Variants in TMCO5A observed in about 807,000 individuals in gnomAD.
TMCO5A encodes transmembrane and coiled-coil domains 5A.
TMCO5A carries 34 observed loss-of-function variants against 42.3 expected under a neutral mutation model. The observed-to-expected ratio is 0.80, with a 90% CI of 0.61 to 1.07. TMCO5A has a LOEUF of 1.07. Ranked by LOEUF, TMCO5A falls within the 50% of genes least tolerant of loss-of-function variation. The pLI is 0.00. For synonymous variants in TMCO5A, 131 were observed against 115.6 expected (o/e 1.13, Z -0.86); for missense variants, 357 against 327.9 (o/e 1.09, Z -0.69).
chr15:37,936,733 A>T, intron 3 of TMCO5A, 114 bp from the exon 4 acceptor site: 1 of 1,434,858 alleles, frequency 7.0e-7, no homozygotes, highest in Non-Finnish European at 9.3e-7. Flanking sequence ...AAGAGTTTTC[A>T]GCTTGAGATT....
chr15:37,953,298 C>T (rs181214507), downstream of TMCO5A, among the ~76,000 whole-genome samples: 70 of 152,258 alleles, frequency 4.6e-4, no homozygotes, highest in Middle Eastern at 6.8e-3. Flanking sequence ...AACGGTTCAG[C>T]ACAGTCCTAG....
chr15:37,943,162 T>C (rs1031352605), intron 9 of TMCO5A, 179 bp from the exon 10 acceptor site: 1 of 514,526 alleles, frequency 1.9e-6, no homozygotes, highest in African/African-American at 2.0e-5. Context: ...ACATAAAAGA[T>C]GTACTCAACT....
Position 37,941,620 on chromosome 15 carries a change from T to C in TMCO5A, c.445-51T>C, listed in dbSNP as rs1279718160. The C allele has an allele frequency of 2.2e-6, 3 of 1,346,090 alleles. No individual in the cohort carries two copies. The Admixed American group carries it at 5.0e-5, about 23-fold the overall frequency. 83.4% of individuals were successfully genotyped at this position (1,346,090 alleles called of 1,614,324 possible). A position where few individuals can be genotyped will look rare whatever the true frequency, so the allele number is the denominator to read the frequency against. ...CAAGAGAAAACAAGTATGCTTGTGT[T>C]CTTATAGCAATTTACCGAAATATAT... On this transcript the variant is annotated intron_variant, in intron 7 of 11. Transcript: ENST00000319669.
intron 11 of TMCO5A, among the ~76,000 whole-genome samples, chr15:37,949,872 T>C (rs1890098717): frequency 6.6e-6 from 1 of 152,156 alleles, no homozygotes; most frequent in African/African-American, 2.4e-5. Context: ...TGTCAGGAAG[T>C]TGCAGTTAGG....
downstream of TMCO5A, among the ~76,000 whole-genome samples, chr15:37,952,565 G>A (rs573551382): frequency 6.6e-6 from 1 of 152,128 alleles, no homozygotes; most frequent in Admixed American, 6.5e-5. Context: ...AACCAGCAGC[G>A]ATACTTAAGT....
chr15:38,004,976 A>C, the TMCO5A span: 3 of 152,182 alleles, frequency 2.0e-5, no homozygotes. Flanking sequence ...AAGAGTAAAA[A>C]GATTTGTCAC....
chr15:37,993,522 G>A, the TMCO5A span: 1 of 152,098 alleles, frequency 6.6e-6, no homozygotes, highest in African/African-American at 2.4e-5. Flanking sequence ...CTCTGTATAT[G>A]TGGTTACTTT....
chr15:37,994,406 C>G, the TMCO5A span, among the ~76,000 whole-genome samples: 2 of 152,212 alleles, frequency 1.3e-5, no homozygotes, highest in African/African-American at 2.4e-5. Context: ...GAGCTGGAGT[C>G]TCACTGTTCT....
intron 9 of TMCO5A, chr15:37,942,574 T>C (rs1318302309): frequency 1.3e-5 from 3 of 235,716 alleles, no homozygotes; most frequent in Non-Finnish European, 2.5e-5. Flanking sequence ...GTCACCTTGA[T>C]AAGTAGGGTA....
chr15:37,940,491 T>A, intron 6 of TMCO5A, among the ~76,000 whole-genome samples: 1 of 152,146 alleles, frequency 6.6e-6, no homozygotes, highest in East Asian at 1.9e-4. Context: ...GGGAGGCCTT[T>A]GCCAACCACC....
rs1889836253 is a variant in TMCO5A at position 37,943,666 on chromosome 15, A to G, written c.627+268A>G. 7.2e-6 allele frequency: 3 copies of G among 417,226 alleles called. No individual in the cohort carries two copies. In the South Asian group the frequency reaches 8.9e-5, roughly 12 times the overall value. The allele number at this position is 417,226 out of a possible 1,614,324, so 25.8% of individuals were successfully genotyped here. On this transcript the variant is annotated intron_variant, in intron 10 of 11. Transcript: ENST00000319669. ...AAGAGAACTCAGAATGGAGGCAAGAAGCAACCTTAATTGAGGGTATGCTCT... is the reference window on the plus strand; with the variant it reads ...AAGAGAACTCAGAATGGAGGCAAGAGGCAACCTTAATTGAGGGTATGCTCT...
At chr15:37,960,358 T>A (rs187179326) in intron 11 of TMCO5A, among the ~76,000 whole-genome samples, 1 of 152,234 alleles carries the variant, frequency 6.6e-6, no homozygotes, top group African/African-American at 2.4e-5. Flanking sequence ...GCAAATGCCA[T>A]TATTTCATTT....
chr15:38,002,677 C>T, the TMCO5A span, among the ~76,000 whole-genome samples: 2,307 of 152,010 alleles, frequency 0.015, 30 homozygotes, highest in Non-Finnish European at 0.023. Context: ...TTTTTCAGCT[C>T]CAGAATTTCT....
intron 11 of TMCO5A, among the ~76,000 whole-genome samples, chr15:37,964,167 C>T (rs1295996442): frequency 1.3e-5 from 2 of 152,124 alleles, no homozygotes; most frequent in African/African-American, 2.4e-5. Flanking sequence ...GGCTGTTGTA[C>T]AGATTCTTTT....
chr15:38,018,182 T>G, the TMCO5A span, among the ~76,000 whole-genome samples: 2 of 152,278 alleles, frequency 1.3e-5, no homozygotes, highest in East Asian at 1.9e-4. Flanking sequence ...CCACACTTGA[T>G]ACCATCGTTA....
chr15:38,004,517 T>C, the TMCO5A span, among the ~76,000 whole-genome samples: 27 of 152,162 alleles, frequency 1.8e-4, 1 homozygote, highest in Admixed American at 1.8e-3. Context: ...CACAGCAGTT[T>C]AGCCAACAGT....
chr15:37,991,451 A>G, the TMCO5A span, among the ~76,000 whole-genome samples: 1 of 152,096 alleles, frequency 6.6e-6, no homozygotes, highest in Non-Finnish European at 1.5e-5. Flanking sequence ...AGTTCCTACT[A>G]GGAATTTTTT....
the TMCO5A span, among the ~76,000 whole-genome samples, chr15:38,010,111 C>CAA: frequency 3.6e-4 from 55 of 151,914 alleles, no homozygotes; most frequent in Non-Finnish European, 7.5e-4. Context: ...CGGTGGCTCC[C>CAA]GCCTGTAATC....
intron 11 of TMCO5A, among the ~76,000 whole-genome samples, chr15:37,961,919 C>G (rs575650142): frequency 1.3e-5 from 2 of 152,044 alleles, no homozygotes; most frequent in African/African-American, 4.8e-5. Context: ...ATTCTTCTAT[C>G]AGTTCTAGGA....
Sources: allele counts gnomAD v4.1 joint callset (sites outside exome capture counted in the v4.1 genomes callset), GRCh38; gene constraint gnomAD v4.1.1; transcripts MANE v1.5; gene names NCBI Gene and HGNC (gene_info 2026-07-23, HGNC 2026-07-21).